HLF: variants seen among roughly 807,000 people sequenced by gnomAD.
HLF encodes HLF transcription factor, PAR bZIP family member.
A neutral mutation model predicts 22.6 loss-of-function variants in HLF; 3 were observed. The observed-to-expected ratio is 0.13, with a 90% CI of 0.06 to 0.34. The LOEUF (loss-of-function observed/expected upper bound fraction) is 0.34. Ranked by LOEUF, HLF falls within the 10% of genes least tolerant of loss-of-function variation. HLF has a pLI of 1.00. For missense variants in HLF, 299 were observed against 389.2 expected, an observed-to-expected ratio of 0.77 and a Z score of 1.95; for synonymous variants, 151 against 151.8, an observed-to-expected ratio of 0.99 and a Z score of 0.04.
At chr17:55,301,128 G>A (rs1218694041) in intron 2 of HLF, among the ~76,000 whole-genome samples, 1 of 152,242 alleles carries the variant, frequency 6.6e-6, no homozygotes, top group East Asian at 1.9e-4. Context: ...TGTTGTCCCT[G>A]CACTCCCTCC....
At chr17:55,317,219 G>T (rs541530407) in intron 3 of HLF, among the ~76,000 whole-genome samples, 1 of 151,758 alleles carries the variant, frequency 6.6e-6, no homozygotes, top group African/African-American at 2.4e-5. Flanking sequence ...TGCCCACCTC[G>T]GTCTTCCAAA....
chr17:55,273,791 C>A (rs1261824322), intron 2 of HLF: 2 of 152,306 alleles, frequency 1.3e-5, no homozygotes, highest in African/African-American at 4.8e-5. Context: ...CCCTCGCTTC[C>A]CTTCCCAGGA....
chr17:55,300,905 G>C (rs973761358), intron 2 of HLF, among the ~76,000 whole-genome samples: 1 of 152,174 alleles, frequency 6.6e-6, no homozygotes, highest in African/African-American at 2.4e-5. Flanking sequence ...AGACCCTTCT[G>C]TGTCTGTCTC....
chr17:55,304,868 C>T (rs1904470845), intron 2 of HLF, among the ~76,000 whole-genome samples: 1 of 152,216 alleles, frequency 6.6e-6, no homozygotes, highest in African/African-American at 2.4e-5. Context: ...TAACTGGCCC[C>T]AGGCCACACA....
rs557642445 is a variant in HLF, at chr17:55,313,778, A to G, written c.452-1449A>G. The stretch of plus-strand genomic sequence containing the variant: ...ACAGCTTGGCTAATGAGAACTCTCC[A>G]TCCTCTGCCAGCACCTCAGGGCCCA... On this transcript the variant is annotated intron_variant, in intron 2 of 3. Coordinates refer to ENST00000226067, the MANE Select transcript of HLF (RefSeq NM_002126.5). Among the ~76,000 whole-genome samples, 34 of 152,206 alleles carry G rather than the reference A, an allele frequency of 2.2e-4. No homozygotes were observed. In the South Asian group the frequency reaches 6.2e-3, roughly 28 times the overall value.
chr17:55,311,546 A>G (rs1598408034), intron 2 of HLF, among the ~76,000 whole-genome samples: 1 of 152,166 alleles, frequency 6.6e-6, no homozygotes, highest in Non-Finnish European at 1.5e-5. Context: ...ATAGTTGTGC[A>G]TATCAGATTG....
At chr17:55,319,997 C>G (rs2145379032) in intron 3 of HLF, among the ~76,000 whole-genome samples, 1 of 152,288 alleles carries the variant, frequency 6.6e-6, no homozygotes, top group Middle Eastern at 3.4e-3. Context: ...GAACATCTTT[C>G]TGGTGCAGGT....
rs1265223228 is a variant in HLF at position 55,265,588 on chromosome 17, A to T, written c.104A>T (p.His35Leu). The change falls in exon 1 of 4, where the codon CAC becomes CTC. Residue 35 changes from histidine to leucine, a missense_variant. His to Leu is a moderately conservative substitution (Grantham distance 99, BLOSUM62 -3). Coordinates refer to ENST00000226067, the MANE Select transcript of HLF (RefSeq NM_002126.5). ...GAGAACCCGCTGAAGCTCCCCCTTC[A>T]CCACGAAGACGGTGAGCGCTGCCGC... ...LLENPLKLPLHHEDAFSKDKD... is the reference protein window; with the variant it reads ...LLENPLKLPLLHEDAFSKDKD... The T allele has an allele frequency of 6.3e-7, 1 of 1,594,348 alleles. No individual in the cohort carries two copies. The highest frequency in any genetic ancestry group is 1.1e-5 in the South Asian group (1 of 89,818).
At position 55,325,066 on chromosome 17, in the gene HLF, T is replaced by C. The variant is rs1277505181; in HGVS notation, c.*4187T>C. The C allele has an allele frequency of 9.6e-6, 2 of 208,918 alleles. No homozygotes were observed. Among genetic ancestry groups the C allele is most frequent in the Non-Finnish European group, 2.0e-5 (2 of 102,424 alleles). 12.9% of individuals were successfully genotyped at this position (208,918 alleles called of 1,614,324 possible). On this transcript the variant is annotated 3_prime_UTR_variant, in exon 4 of 4. Coordinates refer to ENST00000226067, the MANE Select transcript of HLF (RefSeq NM_002126.5). Reference sequence around the variant, plus strand: ...AATAAACTTTGAATTTTTTCCTTTCTTTCATGTATTTTTATTAACAGTTGG... The same window carrying C: ...AATAAACTTTGAATTTTTTCCTTTCCTTCATGTATTTTTATTAACAGTTGG...
In HLF at chr17:55,320,554, CG is replaced by C. The variant is rs1290902713; in HGVS notation, c.673-107del. 2.3e-6 allele frequency: 2 copies of C among 852,184 alleles called. No individual in the cohort carries two copies. The highest frequency in any genetic ancestry group is 3.4e-5 in the African/African-American group (2 of 58,336). The allele number at this position is 852,184 out of a possible 1,614,324, so 52.8% of individuals were successfully genotyped here. ...GGAAGGAGACACAAGCTAAGAAACC[CG>C]GGCTGGCACCTCTGCACAATCCTGG... On this transcript the variant is annotated intron_variant, in intron 3 of 3. Coordinates refer to ENST00000226067, the MANE Select transcript of HLF (RefSeq NM_002126.5). This position sits in a 1 kb window ranked among gnomAD's most constrained non-coding sequence, Gnocchi z 4.2.
chr17:55,298,401 C>T (rs2081128595), intron 2 of HLF, among the ~76,000 whole-genome samples: 1 of 152,128 alleles, frequency 6.6e-6, no homozygotes. Context: ...TTGATGATGA[C>T]TTCATATATA....
intron 2 of HLF, among the ~76,000 whole-genome samples, chr17:55,311,490 C>T (rs993624079): frequency 3.3e-5 from 5 of 151,644 alleles, no homozygotes; most frequent in South Asian, 2.1e-4. Flanking sequence ...GGTGACAGAG[C>T]GAGAGTCTGT....
intron 2 of HLF, among the ~76,000 whole-genome samples, chr17:55,309,173 C>G (rs1054360386): frequency 6.6e-6 from 1 of 152,164 alleles, no homozygotes. Context: ...CTTTGGCCAT[C>G]AGGACGTTAG....
intron 2 of HLF, among the ~76,000 whole-genome samples, chr17:55,270,062 C>G (rs1484289336): frequency 6.6e-6 from 1 of 152,136 alleles, no homozygotes; most frequent in African/African-American, 2.4e-5. Context: ...TTTGTCAGAG[C>G]TCATTAGAGT....
intron 2 of HLF, among the ~76,000 whole-genome samples, chr17:55,269,782 C>T (rs12603270): frequency 0.12 from 18,636 of 152,128 alleles, 1,409 homozygotes; most frequent in Middle Eastern, 0.19. Context: ...GAAATATCTT[C>T]GTAAGGTAAC....
At chr17:55,288,183 T>C (rs1362574081) in intron 2 of HLF, among the ~76,000 whole-genome samples, 1 of 152,120 alleles carries the variant, frequency 6.6e-6, no homozygotes, top group African/African-American at 2.4e-5. Flanking sequence ...AGTCTTACTC[T>C]TTCACCCAGG....
intron 2 of HLF, among the ~76,000 whole-genome samples, chr17:55,285,538 G>A (rs1046779745): frequency 6.6e-6 from 1 of 152,212 alleles, no homozygotes; most frequent in South Asian, 2.1e-4. Context: ...CAGGGCCATG[G>A]GTTTCCTTGG....
chr17:55,312,854 A>G (rs1904894428), intron 2 of HLF, among the ~76,000 whole-genome samples: 1 of 152,256 alleles, frequency 6.6e-6, no homozygotes, highest in South Asian at 2.1e-4. Flanking sequence ...TAAAATTTTG[A>G]AAATCCACAG....
chr17:55,303,340 T>C (rs1904387737), intron 2 of HLF, among the ~76,000 whole-genome samples: 1 of 152,222 alleles, frequency 6.6e-6, no homozygotes, highest in Non-Finnish European at 1.5e-5. Context: ...GACTTTGAGC[T>C]GGCCAGCAGT....
Sources: gnomAD v4.1 joint callset for allele counts (sites outside exome capture counted in the v4.1 genomes callset) on GRCh38, gnomAD v4.1.1 for gene constraint, Gnocchi (gnomAD v3.1) non-coding constraint, MANE v1.5 for transcripts, NCBI Gene and HGNC (gene_info 2026-07-23, HGNC 2026-07-21) for gene names.